The following PTPDC1 variants were observed in gnomAD, a reference collection of about 807,000 sequenced individuals.
The protein encoded by PTPDC1 is protein tyrosine phosphatase domain-containing protein 1.
In PTPDC1, 53 loss-of-function variants were observed where a neutral mutation model predicts 75.3. The observed-to-expected ratio is 0.70, with a 90% CI of 0.56 to 0.88. The LOEUF is 0.88. PTPDC1 is among the 40% of genes least tolerant of loss of function. The probability of loss-of-function intolerance (pLI) is 0.00; values close to 1 mark genes in which losing one functional copy is unlikely to be tolerated. For synonymous variants in PTPDC1, 349 were observed against 366.2 expected (o/e 0.95, Z 0.54); for missense variants, 925 against 998.6 (o/e 0.93, Z 0.99).
rs1564025805 is a variant in PTPDC1, at chr9:94,084,627, C to CG, written c.99dup (p.Leu34AlafsTer48). 1 of 1,613,278 alleles carries CG rather than the reference C, an allele frequency of 6.2e-7. No homozygotes were observed. The highest frequency in any genetic ancestry group is 1.7e-5 in the Admixed American group (1 of 59,956). On this transcript the variant is annotated frameshift_variant, in exon 1 of 9. Coordinates refer to ENST00000620992, the MANE Select transcript of PTPDC1 (RefSeq NM_001253829.2). LOFTEE classifies it high-confidence loss of function. ...GCACTCCACCTCAGACCCAGTACTG[C>CG]GGCTGCAGCAGGCCCGGCGGGGCTC...
At chr9:94,053,668 T>C (rs1825850364) in intron 1 of PTPDC1, among the ~76,000 whole-genome samples, 1 of 152,196 alleles carries the variant, frequency 6.6e-6, no homozygotes, top group African/African-American at 2.4e-5. Context: ...GGGTTGAAGT[T>C]ATTGCTATCA....
upstream of PTPDC1, among the ~76,000 whole-genome samples, chr9:94,083,353 CA>C (rs1372616031): frequency 6.6e-6 from 1 of 152,010 alleles, no homozygotes; most frequent in African/African-American, 2.4e-5. Context: ...ATTTGGACAC[CA>C]AATCGGGATT....
chr9:94,096,187 G>A (rs1827560668), intron 5 of PTPDC1, among the ~76,000 whole-genome samples: 1 of 152,238 alleles, frequency 6.6e-6, no homozygotes, highest in African/African-American at 2.4e-5. Flanking sequence ...CCAACCACAT[G>A]CAGCTCAGCT....
Position 94,092,993 on chromosome 9 carries a change from G to T in PTPDC1, c.617-2324G>T, listed in dbSNP as rs1827386342. On this transcript the variant is annotated intron_variant, in intron 4 of 8. Coordinates refer to ENST00000620992, the MANE Select transcript of PTPDC1 (RefSeq NM_001253829.2). ...CTCTATGTGTCTCTGCACGTGAGAT[G>T]GGTTTCCTGAATACAGCACACTGAT... Among the ~76,000 whole-genome samples the T allele has an allele frequency of 2.6e-5, 4 of 151,458 alleles. No individual in the cohort carries two copies. The South Asian group carries it at 8.4e-4, about 32-fold the overall frequency.
At position 94,108,219 on chromosome 9, in the gene PTPDC1, A is replaced by G. The variant is rs969435546; in HGVS notation, c.*275A>G. The stretch of plus-strand genomic sequence containing the variant: ...ATATTATTGTATTAACATTTTAAGT[A>G]TATGGTGTTTACATTCTTATTTCTT... On this transcript the variant is annotated 3_prime_UTR_variant, in exon 9 of 9. Transcript: ENST00000620992. 7 of 206,626 alleles carry G rather than the reference A, an allele frequency of 3.4e-5. No individual in the cohort carries two copies. The highest frequency in any genetic ancestry group is 1.0e-4 in the East Asian group (1 of 9,630). The allele number at this position is 206,626 out of a possible 1,614,324, so 12.8% of individuals were successfully genotyped here.
At chr9:94,087,669 A>G (rs1279595176) in intron 2 of PTPDC1, among the ~76,000 whole-genome samples, 162 bp from the exon 3 acceptor site, 1 of 152,218 alleles carries the variant, frequency 6.6e-6, no homozygotes, top group Admixed American at 6.5e-5. Context: ...TTGAACCATG[A>G]AACTGTATTA....
intron 1 of PTPDC1, among the ~76,000 whole-genome samples, chr9:94,048,932 T>C (rs920310435): frequency 3.3e-5 from 5 of 152,226 alleles, no homozygotes; most frequent in African/African-American, 1.2e-4. Context: ...GCTCTTCTTG[T>C]TGAATTGATC....
chr9:94,090,206 G>C, intron 4 of PTPDC1, among the ~76,000 whole-genome samples: 1 of 90,146 alleles, frequency 1.1e-5, no homozygotes, highest in South Asian at 3.5e-4. Context: ...GGTTTTTATG[G>C]TTTTAGGTCT....
intron 8 of PTPDC1, 97 bp downstream of exon 8, chr9:94,104,482 C>CATGT (rs1289394817): frequency 1.4e-6 from 1 of 729,328 alleles, no homozygotes; most frequent in Non-Finnish European, 2.3e-6. Flanking sequence ...TAAAATAAAA[C>CATGT]ATGTATGTGT....
chr9:94,075,729 G>A (rs1482506947), intron 2 of PTPDC1, among the ~76,000 whole-genome samples: 1 of 152,142 alleles, frequency 6.6e-6, no homozygotes. Flanking sequence ...ATGAGGAATG[G>A]GGCAACTCTA....
chr9:94,048,191 T>G (rs1035221282), intron 1 of PTPDC1, among the ~76,000 whole-genome samples: 12 of 152,246 alleles, frequency 7.9e-5, no homozygotes, highest in Non-Finnish European at 1.6e-4. Flanking sequence ...GGGTTTTTTG[T>G]GTCTCTATTT....
At position 94,085,404 on chromosome 9, in the gene PTPDC1, AG is replaced by A. The variant is rs768179895; in HGVS notation, c.403del (p.Val135PhefsTer35). 2 of 1,614,164 alleles carry A rather than the reference AG, an allele frequency of 1.2e-6. No homozygotes were observed. The highest frequency in any genetic ancestry group is 3.3e-5 in the Admixed American group (2 of 60,032). The stretch of plus-strand genomic sequence containing the variant: ...TGGAGTGAGCAGGAGCAAGCCATTA[AG>A]GGGGTTTACTCATCCTGGTGAGTGA... ...ARWSEQEQAIKGVYSSWVTDN... is the reference protein window; with the variant it reads ...ARWSEQEQAIXGVYSSWVTDN... On this transcript the variant is annotated frameshift_variant, in exon 2 of 9. Transcript: ENST00000620992. LOFTEE classifies it high-confidence loss of function.
exon 2 of PTPDC1, chr9:94,064,790 G>A: frequency 6.2e-7 from 1 of 1,613,658 alleles, no homozygotes; most frequent in Non-Finnish European, 8.5e-7. Context: ...CTACCTTGGT[G>A]AATAACAGCG....
chr9:94,101,544 G>A, intron 6 of PTPDC1, 22 bp from the exon 7 acceptor site: 1 of 1,594,148 alleles, frequency 6.3e-7, no homozygotes, highest in Non-Finnish European at 8.6e-7. Flanking sequence ...CTGTCTGTCT[G>A]TCTCTTTCTC....
chr9:94,084,448 A>T, upstream of PTPDC1: 2 of 1,568,016 alleles, frequency 1.3e-6, no homozygotes, highest in Non-Finnish European at 8.6e-7. Context: ...AGAACGATGC[A>T]ATGCTCCCTG....
chr9:94,096,730 A>G (rs1316294866), intron 5 of PTPDC1, among the ~76,000 whole-genome samples: 5 of 152,204 alleles, frequency 3.3e-5, no homozygotes, highest in Admixed American at 6.5e-5. Context: ...ACATATTAGT[A>G]TAGGCACAAT....
chr9:94,059,166 A>T (rs1472805561), intron 1 of PTPDC1, among the ~76,000 whole-genome samples: 1 of 152,216 alleles, frequency 6.6e-6, no homozygotes, highest in Non-Finnish European at 1.5e-5. Context: ...GTGATACAAG[A>T]TGGTAAAAAA....
At chr9:94,085,216 G>T in intron 1 of PTPDC1, 35 bp from the exon 2 acceptor site, 1 of 1,577,976 alleles carries the variant, frequency 6.3e-7, no homozygotes, top group South Asian at 1.1e-5. Flanking sequence ...TTTGGAGAGT[G>T]GAATTTTGAA....
intron 4 of PTPDC1, among the ~76,000 whole-genome samples, chr9:94,095,067 C>G (rs899867460): frequency 6.6e-6 from 1 of 152,204 alleles, no homozygotes; most frequent in South Asian, 2.1e-4. Flanking sequence ...AGCTGTAGAC[C>G]GGAGCTGTTC....
Sources: allele counts gnomAD v4.1 joint callset (sites outside exome capture counted in the v4.1 genomes callset), GRCh38; gene constraint gnomAD v4.1.1; transcripts MANE v1.5; gene names NCBI Gene and HGNC (gene_info 2026-07-23, HGNC 2026-07-21).